Variants in PDE3A observed in about 807,000 individuals in gnomAD.
PDE3A encodes the protein cGMP-inhibited 3',5'-cyclic phosphodiesterase 3A.
In PDE3A, 43 loss-of-function variants were observed where a neutral mutation model predicts 98.3. That is an observed-to-expected ratio of 0.44 (90% confidence interval 0.34 to 0.56). The LOEUF is 0.56. PDE3A is among the 20% of genes least tolerant of loss of function. PDE3A has a pLI of 0.01. For missense variants in PDE3A, 1,427 were observed against 1,440.7 expected (o/e 0.99, Z 0.15); for synonymous variants, 663 against 567.9 (o/e 1.17, Z -2.38).
intron 1 of PDE3A, among the ~76,000 whole-genome samples, chr12:20,376,478 A>G (rs1943572754): frequency 6.6e-6 from 1 of 151,956 alleles, no homozygotes; most frequent in Admixed American, 6.6e-5. Context: ...TGTGTAAATA[A>G]CACAAAACTT....
rs192571677 is a variant in PDE3A at position 20,393,844 on chromosome 12, T to C, written c.960+23600T>C. On this transcript the variant is annotated intron_variant, in intron 1 of 15. Coordinates refer to ENST00000359062, the MANE Select transcript of PDE3A (RefSeq NM_000921.5). ...TTCTACAAGGGTGATTATCACATGGTAGGCTTTTTCAAACACTAACCTGCC... is the reference window on the plus strand; with the variant it reads ...TTCTACAAGGGTGATTATCACATGGCAGGCTTTTTCAAACACTAACCTGCC... Among the ~76,000 whole-genome samples the C allele has an allele frequency of 2.5e-3, 382 of 152,128 alleles. 2 individuals carry two copies. The highest frequency in any genetic ancestry group is 9.7e-3 in the South Asian group (47 of 4,830).
intron 1 of PDE3A, among the ~76,000 whole-genome samples, chr12:20,438,652 C>A (rs182470196): frequency 6.4e-4 from 97 of 152,290 alleles, no homozygotes; most frequent in Admixed American, 4.4e-3. Flanking sequence ...TAGCATGTTT[C>A]CTCTGACACA....
At chr12:20,662,668 G>A (rs1945203654) in intron 15 of PDE3A, among the ~76,000 whole-genome samples, 1 of 152,138 alleles carries the variant, frequency 6.6e-6, no homozygotes, top group Non-Finnish European at 1.5e-5. Flanking sequence ...TGACTTTGGT[G>A]CTATTAAAAT....
At chr12:20,665,007 A>G (rs780292344) in intron 15 of PDE3A, among the ~76,000 whole-genome samples, 4 of 152,076 alleles carry the variant, frequency 2.6e-5, no homozygotes, top group Non-Finnish European at 4.4e-5. Context: ...CCATACAAAT[A>G]TATCTCATAT....
intron 1 of PDE3A, among the ~76,000 whole-genome samples, chr12:20,525,893 G>A (rs893114985): frequency 2.0e-5 from 3 of 152,122 alleles, no homozygotes; most frequent in Non-Finnish European, 2.9e-5. Context: ...ACTGAGAACT[G>A]CAGAAAAATT....
At chr12:20,515,938 T>C (rs952104601) in intron 1 of PDE3A, among the ~76,000 whole-genome samples, 1 of 150,646 alleles carries the variant, frequency 6.6e-6, no homozygotes, top group Non-Finnish European at 1.5e-5. Context: ...TTCACCGTTT[T>C]AGCCGGGATG....
chr12:20,403,823 T>A (rs1286448147), intron 1 of PDE3A, among the ~76,000 whole-genome samples: 1 of 152,116 alleles, frequency 6.6e-6, no homozygotes, highest in Non-Finnish European at 1.5e-5. Context: ...TTTAGGTTTT[T>A]CTGGCACAGT....
At chr12:20,573,331 G>A (rs547926512) in intron 2 of PDE3A, among the ~76,000 whole-genome samples, 1 of 152,140 alleles carries the variant, frequency 6.6e-6, no homozygotes, top group South Asian at 2.1e-4. Context: ...TCTCCTGTGT[G>A]TAGGCACAGT....
intron 2 of PDE3A, among the ~76,000 whole-genome samples, chr12:20,598,412 G>T (rs1397134084): frequency 6.6e-6 from 1 of 152,032 alleles, no homozygotes; most frequent in Non-Finnish European, 1.5e-5. Flanking sequence ...TTGAACACCT[G>T]ACCTCAAGTA....
At chr12:20,565,347 A>G (rs1942629487) in intron 2 of PDE3A, among the ~76,000 whole-genome samples, 1 of 152,060 alleles carries the variant, frequency 6.6e-6, no homozygotes, top group South Asian at 2.1e-4. Flanking sequence ...GTGATTTTAT[A>G]CCATCAGCAG....
chr12:20,421,702 T>C (rs538549299), intron 1 of PDE3A, among the ~76,000 whole-genome samples: 3 of 152,142 alleles, frequency 2.0e-5, no homozygotes, highest in Non-Finnish European at 4.4e-5. Flanking sequence ...AAATGAGCCC[T>C]GGTTTTGTGG....
intron 8 of PDE3A, among the ~76,000 whole-genome samples, chr12:20,635,540 T>G (rs1412500309): frequency 1.3e-5 from 2 of 149,074 alleles, no homozygotes; most frequent in Non-Finnish European, 3.0e-5. Flanking sequence ...ATCGTGCCAT[T>G]GCACTCCAGC....
chr12:20,611,238 AG>A (rs1943843876), intron 2 of PDE3A, among the ~76,000 whole-genome samples: 6 of 19,636 alleles, frequency 3.1e-4, no homozygotes, highest in African/African-American at 4.4e-4. Flanking sequence ...TTAACCCTAT[AG>A]ATACAAATAT....
chr12:20,412,547 C>A (rs1183246389), intron 1 of PDE3A, among the ~76,000 whole-genome samples: 3 of 151,984 alleles, frequency 2.0e-5, no homozygotes, highest in Admixed American at 2.0e-4. Context: ...AAGTGAAAAA[C>A]CGACAGACAG....
intron 8 of PDE3A, 130 bp downstream of exon 8, chr12:20,635,186 C>T (rs531832924): frequency 4.9e-4 from 361 of 734,676 alleles, no homozygotes; most frequent in Admixed American, 8.8e-4. Context: ...TTTGGGAGGA[C>T]GAAGCGGGCA....
chr12:20,431,837 C>A (rs901038523), intron 1 of PDE3A, among the ~76,000 whole-genome samples: 3 of 152,140 alleles, frequency 2.0e-5, no homozygotes, highest in Non-Finnish European at 4.4e-5. Context: ...AAAATAGGTT[C>A]ATTTAATAGT....
intron 1 of PDE3A, among the ~76,000 whole-genome samples, chr12:20,387,409 T>G (rs866121748): frequency 6.6e-6 from 1 of 152,080 alleles, no homozygotes; most frequent in Non-Finnish European, 1.5e-5. Context: ...TCTATGAGCA[T>G]AGAATGTTTT....
chr12:20,620,833 T>C (rs1190878329), intron 4 of PDE3A, among the ~76,000 whole-genome samples: 4 of 152,092 alleles, frequency 2.6e-5, no homozygotes, highest in South Asian at 2.1e-4. Flanking sequence ...AAAACACCAT[T>C]ATTTATGAAT....
At chr12:20,478,366 A>C (rs1356317758) in intron 1 of PDE3A, among the ~76,000 whole-genome samples, 2 of 152,216 alleles carry the variant, frequency 1.3e-5, no homozygotes, top group African/African-American at 2.4e-5. Context: ...GCAGCCATTT[A>C]CATTTTATAC....
Sources: gnomAD v4.1 joint callset for allele counts (sites outside exome capture counted in the v4.1 genomes callset) on GRCh38, gnomAD v4.1.1 for gene constraint, MANE v1.5 for transcripts, NCBI Gene and HGNC (gene_info 2026-07-23, HGNC 2026-07-21) for gene names.